Variants in LRRFIP2 observed in about 807,000 individuals in gnomAD.
The protein encoded by LRRFIP2 is LRR binding FLII interacting protein 2.
A neutral mutation model predicts 125.9 loss-of-function variants in LRRFIP2; 109 were observed. The ratio of observed to expected loss-of-function variants is 0.87; its 90% CI spans 0.74 to 1.01. The LOEUF (loss-of-function observed/expected upper bound fraction) is 1.01. LRRFIP2 is among the 50% of genes least tolerant of loss of function. The pLI is 0.00. For synonymous variants in LRRFIP2, 291 were observed against 293.1 expected (o/e 0.99, Z 0.07); for missense variants, 850 against 862.3 (o/e 0.99, Z 0.18).
intron 2 of LRRFIP2, among the ~76,000 whole-genome samples, chr3:37,134,443 C>T (rs549466189): frequency 2.0e-5 from 3 of 152,198 alleles, no homozygotes; most frequent in South Asian, 2.1e-4. Flanking sequence ...CGGAAGAGCA[C>T]AAAAAACTGC....
chr3:37,103,038 T>C (rs2094149532), intron 14 of LRRFIP2, 25 bp from the exon 15 acceptor site: 1 of 1,516,050 alleles, frequency 6.6e-7, no homozygotes, highest in Non-Finnish European at 8.9e-7. Flanking sequence ...AAAAACAAGA[T>C]GCTTTCAAGG....
At chr3:37,141,923 C>T (rs1313729354) in intron 2 of LRRFIP2, among the ~76,000 whole-genome samples, 1 of 152,126 alleles carries the variant, frequency 6.6e-6, no homozygotes, top group Non-Finnish European at 1.5e-5. Flanking sequence ...TTCCTCTGGG[C>T]AGCATGTGAG....
intron 19 of LRRFIP2, among the ~76,000 whole-genome samples, chr3:37,075,353 G>T (rs2148924553): frequency 6.6e-6 from 1 of 152,028 alleles, no homozygotes; most frequent in Non-Finnish European, 1.5e-5. Context: ...AAAAACAAAA[G>T]ATAATTTAGT....
At chr3:37,121,840 TCGTGTGTGTGTGTG>T in intron 4 of LRRFIP2, 149 bp from the exon 5 acceptor site, 1 of 602,576 alleles carries the variant, frequency 1.7e-6, no homozygotes, top group Non-Finnish European at 2.9e-6. Flanking sequence ...GCAGCCACAT[TCGTGTGTGTGTGTG>T]TGTGTGTGTG....
At chr3:37,104,371 A>C (rs1450186916) in intron 14 of LRRFIP2, among the ~76,000 whole-genome samples, 2 of 152,168 alleles carry the variant, frequency 1.3e-5, no homozygotes, top group Admixed American at 6.5e-5. Flanking sequence ...CTGCGTTCCA[A>C]GGTGTTTTTA....
In LRRFIP2 at chr3:37,115,097, T is replaced by C; in HGVS notation, c.331-2A>G. The stretch of plus-strand genomic sequence containing the variant: ...TGATCTATCCTTGAACATATCATAC[T>C]GGGTTTCAGCAAAACATGAAAGTTG... On this transcript the variant is annotated splice_acceptor_variant, in intron 6 of 27. Coordinates refer to ENST00000336686, the MANE Select transcript of LRRFIP2 (RefSeq NM_006309.4). LOFTEE classifies it high-confidence loss of function. 6.3e-7 allele frequency: 1 copy of C among 1,589,724 alleles called. No individual in the cohort carries two copies. Among genetic ancestry groups the C allele is most frequent in the African/African-American group, 1.3e-5 (1 of 74,812 alleles).
At chr3:37,078,744 T>C (rs900706200) in intron 19 of LRRFIP2, among the ~76,000 whole-genome samples, 13 of 152,182 alleles carry the variant, frequency 8.5e-5, no homozygotes, top group South Asian at 4.1e-4. Context: ...CTTGGACAAA[T>C]GGCTGATTCC....
At chr3:37,080,391 G>A (rs1054634245) in intron 19 of LRRFIP2, among the ~76,000 whole-genome samples, 24 of 151,200 alleles carry the variant, frequency 1.6e-4, no homozygotes, top group African/African-American at 5.1e-4. Context: ...AGCAAAACTC[G>A]TCTAAAAAAA....
chr3:37,120,978 AAAC>A (rs1320462168), intron 6 of LRRFIP2, among the ~76,000 whole-genome samples: 3 of 152,154 alleles, frequency 2.0e-5, no homozygotes, highest in Non-Finnish European at 4.4e-5. Context: ...TCCATGCAAA[AAAC>A]AACCTGGGGC....
chr3:37,151,616 G>A (rs1018261116), intron 1 of LRRFIP2, among the ~76,000 whole-genome samples: 1 of 119,294 alleles, frequency 8.4e-6, no homozygotes, highest in African/African-American at 3.2e-5. Flanking sequence ...TTTTTTTGTT[G>A]AGATGGAGTC....
intron 23 of LRRFIP2, chr3:37,065,369 G>A: frequency 3.2e-6 from 1 of 315,212 alleles, no homozygotes. Context: ...TCTGTTTCTT[G>A]GCTTAAGAAA....
upstream of LRRFIP2, chr3:37,175,948 C>G (rs1187848897): frequency 2.0e-5 from 3 of 152,200 alleles, no homozygotes; most frequent in Non-Finnish European, 4.4e-5. Flanking sequence ...GCCCGGCCCC[C>G]TAGCCGAGGT....
At chr3:37,057,500 G>A (rs563242628) in intron 25 of LRRFIP2, among the ~76,000 whole-genome samples, 1 of 151,616 alleles carries the variant, frequency 6.6e-6, no homozygotes, top group South Asian at 2.1e-4. Flanking sequence ...TCAAAAGTTA[G>A]TATTAATAAG....
chr3:37,124,377 T>C (rs2095191322), intron 4 of LRRFIP2, among the ~76,000 whole-genome samples: 1 of 152,182 alleles, frequency 6.6e-6, no homozygotes, highest in South Asian at 2.1e-4. Flanking sequence ...TCAAAACACA[T>C]ATTCTACTAA....
intron 2 of LRRFIP2, among the ~76,000 whole-genome samples, chr3:37,131,633 C>T (rs971682040): frequency 2.0e-5 from 3 of 152,128 alleles, no homozygotes; most frequent in African/African-American, 7.2e-5. Flanking sequence ...TGTTGTCTTC[C>T]CATGTTGTTA....
At chr3:37,120,860 G>T (rs1182144731) in intron 6 of LRRFIP2, among the ~76,000 whole-genome samples, 2 of 152,032 alleles carry the variant, frequency 1.3e-5, no homozygotes, top group African/African-American at 4.8e-5. Flanking sequence ...CAAAATAAAA[G>T]TGCTGCTTTA....
intron 19 of LRRFIP2, among the ~76,000 whole-genome samples, chr3:37,082,637 A>T (rs1272925735): frequency 6.6e-6 from 1 of 152,198 alleles, no homozygotes; most frequent in African/African-American, 2.4e-5. Flanking sequence ...ATCCACCATT[A>T]TAATATGATA....
Position 37,165,795 on chromosome 3 carries a change from G to GAA in LRRFIP2, c.-56+8743_-56+8744insTT, listed in dbSNP as rs1469041806. On this transcript the variant is annotated intron_variant, in intron 1 of 27. Coordinates refer to ENST00000336686, the MANE Select transcript of LRRFIP2 (RefSeq NM_006309.4). ...GAAAAGAAAAGAAAAGAGAAAGAAA[G>GAA]AGAAAGAAAGAAAGAAAGAAAGAAA... 9.0e-3 allele frequency among the ~76,000 whole-genome samples: 162 copies of GAA among 17,920 alleles called. 3 individuals are homozygous for GAA. The highest frequency in any genetic ancestry group is 0.026 in the African/African-American group (149 of 5,632). 11.8% of individuals were successfully genotyped at this position (17,920 alleles called of 152,430 possible).
At chr3:37,112,788 C>A in intron 8 of LRRFIP2, 127 bp downstream of exon 8, 2 of 546,664 alleles carry the variant, frequency 3.7e-6, no homozygotes, top group South Asian at 4.1e-5. Context: ...TTTTAAATTT[C>A]TGATAAATCA....
Sources: gnomAD v4.1 joint callset for allele counts (sites outside exome capture counted in the v4.1 genomes callset) on GRCh38, gnomAD v4.1.1 for gene constraint, MANE v1.5 for transcripts, NCBI Gene and HGNC (gene_info 2026-07-23, HGNC 2026-07-21) for gene names.